Variants in RUNDC3B observed in about 807,000 individuals in gnomAD.
RUNDC3B encodes RUN domain containing 3B.
In RUNDC3B, 33 loss-of-function variants were observed where a neutral mutation model predicts 58.4. That is an observed-to-expected ratio of 0.56 (90% CI 0.43 to 0.75). The LOEUF (loss-of-function observed/expected upper bound fraction) is 0.75. RUNDC3B is among the 30% of genes least tolerant of loss of function. The pLI, the probability that RUNDC3B is intolerant of heterozygous loss-of-function variation, is 0.00. For synonymous variants in RUNDC3B, 193 were observed against 195.2 expected, an observed-to-expected ratio of 0.99 and a Z score of 0.10; for missense variants, 501 against 535.7, an observed-to-expected ratio of 0.94 and a Z score of 0.64.
At chr7:87,764,496 A>G (rs947226378) in intron 6 of RUNDC3B, among the ~76,000 whole-genome samples, 10 of 151,788 alleles carry the variant, frequency 6.6e-5, no homozygotes, top group African/African-American at 2.4e-4. Flanking sequence ...TTGGGCTTCT[A>G]GTGTAACCAT....
At chr7:87,812,504 G>A (rs1650809747) in intron 9 of RUNDC3B, among the ~76,000 whole-genome samples, 2 of 152,182 alleles carry the variant, frequency 1.3e-5, no homozygotes, top group South Asian at 4.1e-4. Context: ...AGCTACTTGG[G>A]AGGCTGAGGC....
intron 6 of RUNDC3B, among the ~76,000 whole-genome samples, chr7:87,758,785 C>A (rs909788683): frequency 8.5e-4 from 129 of 152,254 alleles, no homozygotes; most frequent in African/African-American, 2.9e-3. Context: ...GAGATATCAT[C>A]TCACTCTAGT....
chr7:87,737,551 T>C (rs1185481889), intron 4 of RUNDC3B, among the ~76,000 whole-genome samples: 8 of 152,122 alleles, frequency 5.3e-5, no homozygotes, highest in Non-Finnish European at 1.0e-4. Context: ...AATATTATCT[T>C]CTCAGATCGT....
At position 87,830,560 on chromosome 7, in the gene RUNDC3B, ATTCAGTTT is replaced by A. The variant is rs1838079345; in HGVS notation, c.*534_*541del. The A allele has an allele frequency of 6.6e-6, 1 of 151,386 alleles. No individual in the cohort carries two copies. Among genetic ancestry groups the A allele is most frequent in the Non-Finnish European group, 1.5e-5 (1 of 67,684 alleles). The allele number at this position is 151,386 out of a possible 1,614,324, so 9.4% of individuals were successfully genotyped here. On this transcript the variant is annotated 3_prime_UTR_variant, in exon 11 of 11. Coordinates refer to ENST00000394654, the MANE Select transcript of RUNDC3B (RefSeq NM_001134405.2). ...CTCAGCTGCATTTTCACAGTGGCTT[ATTCAGTTT>A]TTCTTTAATATTTACCATTTGGTAT...
intron 2 of RUNDC3B, among the ~76,000 whole-genome samples, chr7:87,694,665 A>C (rs928379323): frequency 2.0e-5 from 3 of 152,096 alleles, no homozygotes; most frequent in Non-Finnish European, 2.9e-5. Context: ...AGGAGTACGC[A>C]TTTATGTGTA....
At chr7:87,718,137 AG>A (rs1272792922) in intron 4 of RUNDC3B, among the ~76,000 whole-genome samples, 3 of 152,134 alleles carry the variant, frequency 2.0e-5, no homozygotes, top group African/African-American at 7.2e-5. Flanking sequence ...AAGGATGCAA[AG>A]CATATAAGTA....
At chr7:87,636,559 G>T (rs370348837) in intron 1 of RUNDC3B, among the ~76,000 whole-genome samples, 6 of 152,108 alleles carry the variant, frequency 3.9e-5, no homozygotes, top group East Asian at 3.9e-4. Context: ...AGAAATTTCT[G>T]ATTGTAAAAT....
chr7:87,709,360 A>G (rs1829871157), intron 3 of RUNDC3B: 1 of 985,344 alleles, frequency 1.0e-6, no homozygotes, highest in Non-Finnish European at 1.2e-6. Flanking sequence ...AAATTTCAAG[A>G]GAGAATTTTG....
chr7:87,660,170 G>C (rs980299957), intron 2 of RUNDC3B, among the ~76,000 whole-genome samples: 6 of 151,954 alleles, frequency 3.9e-5, no homozygotes, highest in African/African-American at 1.4e-4. Context: ...GCGTAAGTTT[G>C]GAATCATGGT....
intron 1 of RUNDC3B, among the ~76,000 whole-genome samples, chr7:87,648,969 A>G (rs1054790734): frequency 6.6e-6 from 1 of 151,830 alleles, no homozygotes; most frequent in Non-Finnish European, 1.5e-5. Context: ...TGTCTCCTGT[A>G]TTTTCTGTCC....
intron 6 of RUNDC3B, among the ~76,000 whole-genome samples, chr7:87,746,295 T>G (rs1317872052): frequency 2.0e-5 from 3 of 152,198 alleles, no homozygotes; most frequent in Non-Finnish European, 2.9e-5. Flanking sequence ...AATGAAATGT[T>G]CTGTATATAT....
chr7:87,702,615 G>A (rs1308605635), intron 3 of RUNDC3B, among the ~76,000 whole-genome samples: 4 of 152,092 alleles, frequency 2.6e-5, no homozygotes, highest in African/African-American at 7.2e-5. Context: ...TAAGTTTCCA[G>A]TTTTGACTTG....
chr7:87,732,128 A>G (rs907621578), intron 4 of RUNDC3B, among the ~76,000 whole-genome samples: 2 of 152,168 alleles, frequency 1.3e-5, no homozygotes, highest in African/African-American at 4.8e-5. Context: ...CTATGCAAAC[A>G]CATGGAAATT....
chr7:87,698,538 C>T (rs1346378235), intron 2 of RUNDC3B, among the ~76,000 whole-genome samples: 4 of 152,080 alleles, frequency 2.6e-5, no homozygotes, highest in Non-Finnish European at 5.9e-5. Context: ...CACTAGCAGA[C>T]TGTTATCAAA....
intron 4 of RUNDC3B, among the ~76,000 whole-genome samples, chr7:87,719,000 T>A (rs1045670315): frequency 6.6e-6 from 1 of 151,908 alleles, no homozygotes; most frequent in Non-Finnish European, 1.5e-5. Context: ...AATAAAACAA[T>A]TCAACAGTAC....
chr7:87,632,867 T>A (rs1161539612), intron 1 of RUNDC3B, among the ~76,000 whole-genome samples: 8 of 152,176 alleles, frequency 5.3e-5, no homozygotes. Flanking sequence ...AGAATAACAC[T>A]TGTCAAACTT....
intron 4 of RUNDC3B, among the ~76,000 whole-genome samples, chr7:87,712,730 A>C (rs1830198117): frequency 6.6e-6 from 1 of 152,120 alleles, no homozygotes; most frequent in Non-Finnish European, 1.5e-5. Context: ...AGCTCTAAAA[A>C]AGTACATGAA....
intron 4 of RUNDC3B, among the ~76,000 whole-genome samples, chr7:87,729,591 T>A (rs1370607542): frequency 6.6e-6 from 1 of 152,140 alleles, no homozygotes; most frequent in Admixed American, 6.6e-5. Flanking sequence ...AGGCAAGACC[T>A]ACCAGTATGG....
intron 2 of RUNDC3B, among the ~76,000 whole-genome samples, chr7:87,688,691 G>A (rs1487464112): frequency 6.6e-6 from 1 of 151,692 alleles, no homozygotes; most frequent in Non-Finnish European, 1.5e-5. Flanking sequence ...TAAAACATAT[G>A]AAATATTTTT....
Sources: gnomAD v4.1 joint callset for allele counts (sites outside exome capture counted in the v4.1 genomes callset) on GRCh38, gnomAD v4.1.1 for gene constraint, MANE v1.5 for transcripts, NCBI Gene and HGNC (gene_info 2026-07-23, HGNC 2026-07-21) for gene names.